GLT8D1: variants seen among roughly 807,000 people sequenced by gnomAD.
The protein encoded by GLT8D1 is glycosyltransferase 8 domain containing 1.
Under a neutral mutation model 46.2 loss-of-function variants are expected in GLT8D1, and 41 were observed. That is an observed-to-expected ratio of 0.89 (90% CI 0.69 to 1.15). GLT8D1 has a LOEUF of 1.15. Ranked by LOEUF, GLT8D1 falls within the 50% of genes most tolerant of loss-of-function variation. The probability of loss-of-function intolerance (pLI) is 0.00; values close to 1 mark genes in which losing one functional copy is unlikely to be tolerated. For missense variants in GLT8D1, 408 were observed against 449.3 expected (o/e 0.91, Z 0.83); for synonymous variants, 150 against 154.2 (o/e 0.97, Z 0.20).
At position 52,705,777 on chromosome 3, in the gene GLT8D1, C is replaced by A; in HGVS notation, c.-367G>T. ...CAGCGGTAACCGCTAGAGCGTCGCG[C>A]CAAGCAGGCGCCGCGGGGCAGCCCT... On this transcript the variant is annotated 5_prime_UTR_variant, in exon 1 of 10. Transcript: ENST00000266014. 1 of 1,210,854 alleles carries A rather than the reference C, an allele frequency of 8.3e-7. No individual in the cohort carries two copies. Among genetic ancestry groups the A allele is most frequent in the Non-Finnish European group, 1.1e-6 (1 of 948,990 alleles). The allele number at this position is 1,210,854 out of a possible 1,614,324, so 75.0% of individuals were successfully genotyped here. A position where few individuals can be genotyped will look rare whatever the true frequency, so the allele number is the denominator to read the frequency against.
Position 52,705,757 on chromosome 3 carries a change from G to A in GLT8D1, c.-347C>T, listed in dbSNP as rs1390002909. ...CACTACGCCCAGCCAGCCCGCAGCG[G>A]TAACCGCTAGAGCGTCGCGCCAAGC... On this transcript the variant is annotated 5_prime_UTR_variant, in exon 1 of 10. Transcript: ENST00000266014. 5 of 1,052,632 alleles carry A rather than the reference G, an allele frequency of 4.8e-6. No homozygotes were observed. The East Asian group carries it at 1.5e-4, about 32-fold the overall frequency. 65.2% of individuals were successfully genotyped at this position (1,052,632 alleles called of 1,614,324 possible).
At chr3:52,697,994 A>T in intron 3 of GLT8D1, 60 bp from the exon 4 acceptor site, 1 of 1,043,582 alleles carries the variant, frequency 9.6e-7, no homozygotes, top group Admixed American at 1.7e-5. Flanking sequence ...ATAGAGTCCA[A>T]GACATGGAAA....
intron 1 of GLT8D1, 78 bp from the exon 2 acceptor site, chr3:52,700,574 T>C: frequency 1.6e-6 from 1 of 636,828 alleles, no homozygotes. Context: ...CTTTTTTTTT[T>C]TTTTTAATTC....
Position 52,695,592 on chromosome 3 carries a change from A to G in GLT8D1, c.646-5T>C. 1 of 1,546,462 alleles carries G rather than the reference A, an allele frequency of 6.5e-7. No homozygotes were observed. Among genetic ancestry groups the G allele is most frequent in the Non-Finnish European group, 8.9e-7 (1 of 1,119,410 alleles). ...AAGATAGCCAATGTAATTGTACTAA[A>G]AACACAAATAGGATATATGTACTTA... On this transcript the variant is annotated splice_polypyrimidine_tract_variant and splice_region_variant and intron_variant, in intron 7 of 9. Transcript: ENST00000266014.
chr3:52,694,768 C>T lies in GLT8D1; in HGVS notation c.*77G>A, dbSNP rs780993074. 2 of 1,016,518 alleles carry T rather than the reference C, an allele frequency of 2.0e-6. No individual in the cohort carries two copies. The highest frequency in any genetic ancestry group is 3.1e-6 in the Non-Finnish European group (2 of 641,866). The allele number at this position is 1,016,518 out of a possible 1,614,324, so 63.0% of individuals were successfully genotyped here. ...GCTTGCTACCGATAGGCATTGAAGC[C>T]TAGCAACTGTTACTTCCCACGCATG... On this transcript the variant is annotated 3_prime_UTR_variant, in exon 10 of 10. Transcript: ENST00000266014.
Position 52,696,531 on chromosome 3 carries a change from A to G in GLT8D1, c.447+11T>C, listed in dbSNP as rs767760453. 3.0e-6 allele frequency: 4 copies of G among 1,341,768 alleles called. No homozygotes were observed. Among genetic ancestry groups the G allele is most frequent in the African/African-American group, 1.4e-5 (1 of 69,962 alleles). 83.1% of individuals were successfully genotyped at this position (1,341,768 alleles called of 1,614,324 possible). The stretch of plus-strand genomic sequence containing the variant: ...TACTGCCAAGTGCAAAGAAGGATGC[A>G]TGGAACTCACAGGTTTCATGGATTC... On this transcript the variant is annotated intron_variant, in intron 5 of 9. Coordinates refer to ENST00000266014, the MANE Select transcript of GLT8D1 (RefSeq NM_018446.4).
chr3:52,703,589 G>C (rs1157989224), intron 1 of GLT8D1: 1 of 152,092 alleles, frequency 6.6e-6, no homozygotes, highest in Non-Finnish European at 1.5e-5. Flanking sequence ...CCACCACTGA[G>C]AAAACGATCT....
rs773238792 is a variant in GLT8D1, at chr3:52,695,533, T to C, written c.700A>G (p.Met234Val). Residue 234 changes from methionine to valine, a missense_variant, in exon 8 of 10, where the codon ATG becomes GTG. Met to Val is a conservative substitution (Grantham distance 21). Transcript: ENST00000266014. ...YKKERIRKLS[M>V]KASTCSFNPG... ...TTAAATGAGCAAGTGCTGGCTTTCA[T>C]GGAAAGCTTACGAATTCTTTCCTTT... The C allele has an allele frequency of 1.2e-6, 2 of 1,610,544 alleles. No individual in the cohort carries two copies. The highest frequency in any genetic ancestry group is 1.1e-5 in the South Asian group (1 of 90,998).
Position 52,694,850 on chromosome 3 carries a change from TTA to T in GLT8D1, c.1109_1110del (p.Ile370LysfsTer28), listed in dbSNP as rs768367491. The T allele has an allele frequency of 8.7e-5, 140 of 1,605,286 alleles. No individual in the cohort carries two copies. The highest frequency in any genetic ancestry group is 4.3e-4 in the Admixed American group (26 of 60,000). ...CTTACAGTTCAAATTCTGTTTCACT[TTA>T]TGTTTGAGATCTCGGTATATCTTCG... is the stretch of plus-strand genomic sequence containing the variant. ...LIRRYTEISN[I>X]K On this transcript the variant is annotated frameshift_variant, in exon 10 of 10. Transcript: ENST00000266014. LOFTEE classifies it high-confidence loss of function.
rs1256967056 is a variant in GLT8D1, at chr3:52,700,255, C to T, written c.115+7G>A. 27 of 1,577,992 alleles carry T rather than the reference C, an allele frequency of 1.7e-5. No homozygotes were observed. The East Asian group carries it at 2.5e-4, about 14-fold the overall frequency. On this transcript the variant is annotated splice_region_variant and intron_variant, in intron 3 of 9. Transcript: ENST00000266014. ...TTCTAAGGCATTATTAATAAGTGCT[C>T]GCATACCTGTAACCTCATTCCTTAA...
intron 9 of GLT8D1, 28 bp downstream of exon 9, chr3:52,695,162 G>T: frequency 6.5e-7 from 1 of 1,528,956 alleles, no homozygotes; most frequent in Non-Finnish European, 9.1e-7. Flanking sequence ...TTCTTTACTA[G>T]CTTATGCCAC....
chr3:52,696,470 T>A (rs1578586959), intron 5 of GLT8D1, 72 bp downstream of exon 5: 4 of 1,003,750 alleles, frequency 4.0e-6, no homozygotes, highest in African/African-American at 1.6e-5. Context: ...ACTTGCACTA[T>A]ACCCACAGAT....
intron 9 of GLT8D1, 69 bp from the exon 10 acceptor site, chr3:52,695,104 G>A (rs1206135238): frequency 6.9e-7 from 1 of 1,449,774 alleles, no homozygotes; most frequent in African/African-American, 1.4e-5. Context: ...TTACTTAAGG[G>A]AAACAAAGAA....
chr3:52,694,602 T>C lies in GLT8D1; in HGVS notation c.*243A>G. 1 of 601,314 alleles carries C rather than the reference T, an allele frequency of 1.7e-6. No homozygotes were observed. Among genetic ancestry groups the C allele is most frequent in the Non-Finnish European group, 3.0e-6 (1 of 338,844 alleles). 37.2% of individuals were successfully genotyped at this position (601,314 alleles called of 1,614,324 possible). On this transcript the variant is annotated 3_prime_UTR_variant, in exon 10 of 10. Coordinates refer to ENST00000266014, the MANE Select transcript of GLT8D1 (RefSeq NM_018446.4). Reference sequence around the variant, plus strand: ...CTGAACTAGCCATATCAGTTCTTCTTTCCAGTCATTCAGCATTGTAGTAAG... The same window carrying C: ...CTGAACTAGCCATATCAGTTCTTCTCTCCAGTCATTCAGCATTGTAGTAAG...
chr3:52,697,472 A>G (rs553194175), intron 4 of GLT8D1: 119 of 510,712 alleles, frequency 2.3e-4, no homozygotes, highest in Non-Finnish European at 4.1e-4. Flanking sequence ...AAACACCATC[A>G]GGTGGGGTTA....
At chr3:52,695,153 T>G (rs2097331786) in intron 9 of GLT8D1, 37 bp downstream of exon 9, 1 of 1,513,446 alleles carries the variant, frequency 6.6e-7, no homozygotes, top group African/African-American at 1.4e-5. Context: ...AGATACCAAT[T>G]CTTTACTAGC....
rs1207197177 is a variant in GLT8D1, at chr3:52,695,550, C to A, written c.683G>T (p.Arg228Ile). Residue 228 changes from arginine (R) to isoleucine (I), a missense_variant, in exon 8 of 10, where the codon AGA becomes ATA. Coordinates refer to ENST00000266014, the MANE Select transcript of GLT8D1 (RefSeq NM_018446.4). ...GGCTTTCATGGAAAGCTTACGAATTCTTTCCTTTTTATAGTCAAGATAGCC... is the reference window on the plus strand; with the variant it reads ...GGCTTTCATGGAAAGCTTACGAATTATTTCCTTTTTATAGTCAAGATAGCC... ...YIGYLDYKKE[R>I]IRKLSMKAST... 3 of 1,610,800 alleles carry A rather than the reference C, an allele frequency of 1.9e-6. No individual in the cohort carries two copies. The highest frequency in any genetic ancestry group is 1.1e-5 in the South Asian group (1 of 90,988).
At chr3:52,696,756 T>C in intron 4 of GLT8D1, 97 bp from the exon 5 acceptor site, 1 of 692,752 alleles carries the variant, frequency 1.4e-6, no homozygotes, top group Non-Finnish European at 2.6e-6. Context: ...AATAGGTGTT[T>C]TCAAGCTCCT....
At chr3:52,700,968 G>A (rs186153148) in intron 1 of GLT8D1, among the ~76,000 whole-genome samples, 1 of 152,240 alleles carries the variant, frequency 6.6e-6, no homozygotes, top group Admixed American at 6.5e-5. Flanking sequence ...AGGAGGCTGA[G>A]GCAGGAGAAT....
Sources: allele counts gnomAD v4.1 joint callset (sites outside exome capture counted in the v4.1 genomes callset), GRCh38; gene constraint gnomAD v4.1.1; transcripts MANE v1.5; gene names NCBI Gene and HGNC (gene_info 2026-07-23, HGNC 2026-07-21).